Variants in MEGF11 observed in about 807,000 individuals in gnomAD.
MEGF11 encodes the protein multiple EGF like domains 11, also known as multiple epidermal growth factor-like domains protein 11.
In MEGF11, 126 loss-of-function variants were observed where a neutral mutation model predicts 146.6. The ratio of observed to expected loss-of-function variants is 0.86; its 90% confidence interval spans 0.74 to 1.00. The LOEUF is 1.00. Among genes scored for constraint, MEGF11 ranks in the 50% least tolerant of loss-of-function variants. MEGF11 has a pLI of 0.00. For missense variants in MEGF11, 1,509 were observed against 1,521.2 expected, an observed-to-expected ratio of 0.99 and a Z score of 0.13; for synonymous variants, 532 against 583.4, an observed-to-expected ratio of 0.91 and a Z score of 1.27.
intron 5 of MEGF11, among the ~76,000 whole-genome samples, chr15:66,044,381 G>T (rs1358955052): frequency 6.6e-6 from 1 of 152,134 alleles, no homozygotes; most frequent in East Asian, 1.9e-4. Flanking sequence ...ACCACACTGT[G>T]TTCTCTCTGT....
intron 5 of MEGF11, among the ~76,000 whole-genome samples, chr15:66,054,541 T>C (rs116919192): frequency 6.6e-6 from 1 of 152,270 alleles, no homozygotes; most frequent in East Asian, 1.9e-4. Context: ...TCTTTAAAAA[T>C]CACCTCCAGG....
intron 5 of MEGF11, among the ~76,000 whole-genome samples, chr15:65,989,668 C>T (rs2081971840): frequency 6.6e-6 from 1 of 152,220 alleles, no homozygotes; most frequent in Non-Finnish European, 1.5e-5. Context: ...TTGCTCTTTC[C>T]AGGCCTAAGC....
At chr15:66,143,464 A>G (rs148130177) in intron 1 of MEGF11, among the ~76,000 whole-genome samples, 2,383 of 152,232 alleles carry the variant, frequency 0.016, 20 homozygotes, top group South Asian at 0.021. Context: ...CCCCTGTCCC[A>G]TGGGGTGCTT....
At chr15:66,253,352 A>T (rs2092403408) in intron 1 of MEGF11, among the ~76,000 whole-genome samples, 1 of 152,180 alleles carries the variant, frequency 6.6e-6, no homozygotes, top group Non-Finnish European at 1.5e-5. Context: ...GCGGCTGCCC[A>T]CATTGAGGCG....
At chr15:66,104,610 G>C (rs2086978466) in intron 4 of MEGF11, among the ~76,000 whole-genome samples, 1 of 152,192 alleles carries the variant, frequency 6.6e-6, no homozygotes, top group East Asian at 1.9e-4. Context: ...TTCAAAATGA[G>C]AAAAACCTCT....
chr15:65,986,145 G>T (rs143718641), intron 5 of MEGF11, among the ~76,000 whole-genome samples: 40 of 151,870 alleles, frequency 2.6e-4, no homozygotes, highest in Non-Finnish European at 5.6e-4. Flanking sequence ...TAGAGACAGG[G>T]TTTCATCATG....
At chr15:66,131,263 A>G (rs2088635360) in intron 1 of MEGF11, among the ~76,000 whole-genome samples, 1 of 152,244 alleles carries the variant, frequency 6.6e-6, no homozygotes, top group African/African-American at 2.4e-5. Flanking sequence ...GTCAGCCCAC[A>G]TGGCCACCCA....
intron 1 of MEGF11, among the ~76,000 whole-genome samples, chr15:66,191,797 G>C (rs986960539): frequency 4.6e-5 from 7 of 152,152 alleles, no homozygotes; most frequent in African/African-American, 1.7e-4. Context: ...CCTACTAGGC[G>C]GGGCCCGGTG....
intron 10 of MEGF11, among the ~76,000 whole-genome samples, chr15:65,947,999 G>T (rs1367261670): frequency 6.6e-6 from 1 of 152,140 alleles, no homozygotes; most frequent in East Asian, 1.9e-4. Flanking sequence ...GTACAGTGGG[G>T]TCCCAGAGGG....
intron 5 of MEGF11, among the ~76,000 whole-genome samples, chr15:66,032,284 T>G (rs1415886810): frequency 6.6e-6 from 1 of 152,220 alleles, no homozygotes; most frequent in African/African-American, 2.4e-5. Flanking sequence ...TGGTATTCAG[T>G]TATAGCAATA....
At chr15:65,914,004 G>T in intron 19 of MEGF11, 31 bp from the exon 20 acceptor site, 1 of 1,584,508 alleles carries the variant, frequency 6.3e-7, no homozygotes, top group Non-Finnish European at 8.7e-7. Flanking sequence ...TGAGCCTGGG[G>T]CTGGCCTTCT....
chr15:66,233,437 T>C (rs28569770), intron 1 of MEGF11, among the ~76,000 whole-genome samples: 2 of 152,288 alleles, frequency 1.3e-5, no homozygotes, highest in African/African-American at 4.8e-5. Context: ...GATTTCACTA[T>C]GTTGGTCAGG....
chr15:66,250,522 C>A (rs965786151), intron 1 of MEGF11, among the ~76,000 whole-genome samples: 3 of 152,218 alleles, frequency 2.0e-5, no homozygotes, highest in Admixed American at 2.0e-4. Context: ...CAGTGCCTGG[C>A]ACAAAGAAGG....
intron 1 of MEGF11, among the ~76,000 whole-genome samples, chr15:66,141,369 C>T (rs930665259): frequency 4.0e-5 from 6 of 150,682 alleles, no homozygotes; most frequent in Admixed American, 6.7e-5. Flanking sequence ...ATTGGAGCAG[C>T]GGAGGGGAGG....
intron 1 of MEGF11, among the ~76,000 whole-genome samples, chr15:66,133,061 C>T (rs555255232): frequency 5.8e-4 from 89 of 152,258 alleles, no homozygotes; most frequent in African/African-American, 2.0e-3. Flanking sequence ...GTGTCTGGCC[C>T]GAGAGAGGAC....
intron 9 of MEGF11, among the ~76,000 whole-genome samples, chr15:65,962,181 T>C (rs974371647): frequency 6.6e-6 from 1 of 152,114 alleles, no homozygotes; most frequent in African/African-American, 2.4e-5. Flanking sequence ...GAAGACTCTA[T>C]AATGGGCCAA....
chr15:65,956,338 G>C (rs141643612), intron 10 of MEGF11, among the ~76,000 whole-genome samples: 238 of 152,310 alleles, frequency 1.6e-3, no homozygotes, highest in African/African-American at 5.3e-3. Context: ...ACCTGCAAGT[G>C]AACAAGGACC....
At chr15:65,926,497 C>A (rs2079377052) in intron 13 of MEGF11, among the ~76,000 whole-genome samples, 1 of 152,244 alleles carries the variant, frequency 6.6e-6, no homozygotes, top group Non-Finnish European at 1.5e-5. Flanking sequence ...AGGGGAGACA[C>A]ATGCACAGCT....
chr15:65,927,094 C>T (rs995022284), intron 13 of MEGF11, among the ~76,000 whole-genome samples: 4 of 152,208 alleles, frequency 2.6e-5, no homozygotes, highest in African/African-American at 9.6e-5. Context: ...CTTTGCTGCT[C>T]ATCACCTTGG....
Sources: allele counts gnomAD v4.1 joint callset (sites outside exome capture counted in the v4.1 genomes callset), GRCh38; gene constraint gnomAD v4.1.1; transcripts MANE v1.5; gene names NCBI Gene and HGNC (gene_info 2026-07-23, HGNC 2026-07-21).